The following FAM184B variants were observed in gnomAD, a reference collection of about 807,000 sequenced individuals.
FAM184B encodes the protein protein FAM184B.
A neutral mutation model predicts 135.9 loss-of-function variants in FAM184B; 111 were observed. The observed-to-expected ratio is 0.82, with a 90% confidence interval of 0.70 to 0.96. The LOEUF (loss-of-function observed/expected upper bound fraction) is 0.96. Among genes scored for constraint, FAM184B ranks in the 40% least tolerant of loss-of-function variants. The pLI is 0.00. For missense variants in FAM184B, 1,375 were observed against 1,323.9 expected (o/e 1.04, Z -0.60); for synonymous variants, 552 against 524.8 (o/e 1.05, Z -0.71).
chr4:17,760,645 A>G (rs1277365846), intron 1 of FAM184B, among the ~76,000 whole-genome samples: 6 of 152,176 alleles, frequency 3.9e-5, no homozygotes. Flanking sequence ...TCCATAAGAC[A>G]TTCTTAGGTA....
In FAM184B at chr4:17,633,321, C is replaced by T. The variant is rs141071700; in HGVS notation, c.3089+368G>A. 1.7e-3 allele frequency: 283 copies of T among 171,358 alleles called. 2 individuals are homozygous for T. The highest frequency in any genetic ancestry group is 4.5e-3 in the African/African-American group (191 of 42,306). The allele number at this position is 171,358 out of a possible 1,614,324, so 10.6% of individuals were successfully genotyped here. On this transcript the variant is annotated intron_variant, in intron 17 of 17. Transcript: ENST00000265018. The stretch of plus-strand genomic sequence containing the variant: ...ATATTGAAGATTTTTGTGCCAAGTC[C>T]TGTGCTAAGCACATCCTATGGATTA...
intron 1 of FAM184B, among the ~76,000 whole-genome samples, chr4:17,755,949 C>T (rs140967111): frequency 0.013 from 1,908 of 152,232 alleles, 37 homozygotes; most frequent in African/African-American, 0.044. Flanking sequence ...GAATAGCTAA[C>T]GAATGCTGGG....
At chr4:17,720,254 C>G (rs534909326) in intron 1 of FAM184B, among the ~76,000 whole-genome samples, 1 of 152,132 alleles carries the variant, frequency 6.6e-6, no homozygotes, top group African/African-American at 2.4e-5. Flanking sequence ...GGATATTGAA[C>G]CTGCAGCTCA....
chr4:17,640,706 A>G (rs975065067), intron 13 of FAM184B, among the ~76,000 whole-genome samples: 2 of 152,224 alleles, frequency 1.3e-5, no homozygotes, highest in African/African-American at 2.4e-5. Context: ...AAACTGCTAA[A>G]GCTCACTTAA....
At chr4:17,718,359 G>A (rs1303349743) in intron 1 of FAM184B, among the ~76,000 whole-genome samples, 2 of 152,010 alleles carry the variant, frequency 1.3e-5, no homozygotes, top group Non-Finnish European at 2.9e-5. Flanking sequence ...AAAAAAAGCT[G>A]GTAATATGCT....
At chr4:17,653,814 G>A (rs1046655633) in intron 10 of FAM184B, among the ~76,000 whole-genome samples, 4 of 150,296 alleles carry the variant, frequency 2.7e-5, no homozygotes, top group African/African-American at 1.0e-4. Context: ...TTAGATGGGA[G>A]ATTATCCTGA....
At chr4:17,656,634 T>C (rs1004442309) in intron 10 of FAM184B, among the ~76,000 whole-genome samples, 5 of 152,236 alleles carry the variant, frequency 3.3e-5, no homozygotes, top group Non-Finnish European at 5.9e-5. Flanking sequence ...ACGCCTGGCC[T>C]CAAGTGGTCT....
rs528029596 is a variant in FAM184B at position 17,781,571 on chromosome 4, C to A, written c.-272G>T. 2 of 396,760 alleles carry A rather than the reference C, an allele frequency of 5.0e-6. No homozygotes were observed. Among genetic ancestry groups the A allele is most frequent in the South Asian group, 4.4e-5 (1 of 22,602 alleles). The allele number at this position is 396,760 out of a possible 1,614,324, so 24.6% of individuals were successfully genotyped here. A position where few individuals can be genotyped will look rare whatever the true frequency, so the allele number is the denominator to read the frequency against. On this transcript the variant is annotated 5_prime_UTR_variant, in exon 1 of 18. Transcript: ENST00000265018. The surrounding 1 kb of genome is among the most constrained non-coding windows in gnomAD (Gnocchi z 6.5). ...TGCGGCGAGGCGTCGGCGCCCCGCA[C>A]GTGCCGCTGGCGATCAGTCTGCAGT...
At chr4:17,678,685 A>G (rs1716371153) in intron 7 of FAM184B, among the ~76,000 whole-genome samples, 1 of 152,136 alleles carries the variant, frequency 6.6e-6, no homozygotes, top group African/African-American at 2.4e-5. Context: ...ACAAACCTAA[A>G]ATTCATATGG....
chr4:17,714,208 G>A (rs941198518), intron 1 of FAM184B, among the ~76,000 whole-genome samples: 1 of 152,168 alleles, frequency 6.6e-6, no homozygotes, highest in Non-Finnish European at 1.5e-5. Context: ...GCGAAGAGCT[G>A]CTGCAGAACA....
intron 7 of FAM184B, among the ~76,000 whole-genome samples, chr4:17,677,481 A>G (rs1716338749): frequency 6.6e-6 from 1 of 152,206 alleles, no homozygotes; most frequent in Admixed American, 6.5e-5. Context: ...TTAAACCAGG[A>G]AGAAATAGAA....
Position 17,645,073 on chromosome 4 carries a change from A to G in FAM184B, c.2346+2564T>C, listed in dbSNP as rs959978059. ...AGAACTACAAACCACTGCTCAACAA[A>G]ATAAAAGAGGATACAAACAAATGGA... On this transcript the variant is annotated intron_variant, in intron 12 of 17. Transcript: ENST00000265018. Among the ~76,000 whole-genome samples, 35 of 152,212 alleles carry G rather than the reference A, an allele frequency of 2.3e-4. 1 individual carries two copies. Among genetic ancestry groups the G allele is most frequent in the Non-Finnish European group, 2.9e-4 (20 of 68,028 alleles).
intron 1 of FAM184B, among the ~76,000 whole-genome samples, chr4:17,737,693 T>C (rs1309363442): frequency 6.6e-6 from 1 of 152,108 alleles, no homozygotes; most frequent in African/African-American, 2.4e-5. Context: ...AAGTCCCTCA[T>C]GAGAAGGACA....
At chr4:17,708,822 A>G in intron 2 of FAM184B, 70 bp downstream of exon 2, 6 of 1,440,258 alleles carry the variant, frequency 4.2e-6, no homozygotes, top group Non-Finnish European at 5.5e-6. Context: ...TGCCTGATCT[A>G]TAGCAGGTTC....
chr4:17,705,541 C>T (rs544973554), intron 4 of FAM184B, among the ~76,000 whole-genome samples: 78 of 152,250 alleles, frequency 5.1e-4, no homozygotes, highest in African/African-American at 1.5e-3. Context: ...GATGATATAG[C>T]GTTGGGAGGA....
chr4:17,711,219 C>A (rs1717260781), intron 1 of FAM184B, among the ~76,000 whole-genome samples: 1 of 151,714 alleles, frequency 6.6e-6, no homozygotes, highest in Admixed American at 6.6e-5. Context: ...TGGTGGCTCA[C>A]ACCTGTAATC....
chr4:17,674,705 T>C (rs193236411), intron 7 of FAM184B, among the ~76,000 whole-genome samples: 1 of 152,324 alleles, frequency 6.6e-6, no homozygotes, highest in East Asian at 1.9e-4. Context: ...TTAACTAAGT[T>C]CATGTAATAT....
chr4:17,755,098 A>G (rs1318895493), intron 1 of FAM184B, among the ~76,000 whole-genome samples: 3 of 152,130 alleles, frequency 2.0e-5, no homozygotes, highest in Non-Finnish European at 4.4e-5. Flanking sequence ...GCCTCAAGCA[A>G]TCCTCCTGCC....
intron 17 of FAM184B, 117 bp downstream of exon 17, chr4:17,633,572 A>G (rs1248027946): frequency 1.1e-6 from 1 of 930,420 alleles, no homozygotes; most frequent in Non-Finnish European, 1.5e-6. Context: ...CCCTTGTCTA[A>G]TCATCCATGA....
Sources: gnomAD v4.1 joint callset for allele counts (sites outside exome capture counted in the v4.1 genomes callset) on GRCh38, gnomAD v4.1.1 for gene constraint, Gnocchi (gnomAD v3.1) non-coding constraint, MANE v1.5 for transcripts, NCBI Gene and HGNC (gene_info 2026-07-23, HGNC 2026-07-21) for gene names.